MINK1: variants seen among roughly 807,000 people sequenced by gnomAD.
MINK1 encodes the protein misshapen-like kinase 1.
MINK1 carries 46 observed loss-of-function variants against 178.4 expected under a neutral mutation model. The ratio of observed to expected loss-of-function variants is 0.26; its 90% CI spans 0.20 to 0.33. The LOEUF is 0.33. MINK1 is among the 10% of genes least tolerant of loss of function. The probability of loss-of-function intolerance (pLI) is 1.00; values close to 1 mark genes in which losing one functional copy is unlikely to be tolerated. For missense variants in MINK1, 1,366 were observed against 1,814.9 expected (o/e 0.75, Z 4.49); for synonymous variants, 797 against 709.7 (o/e 1.12, Z -1.96).
intron 1 of MINK1, among the ~76,000 whole-genome samples, chr17:4,865,602 A>G (rs1914835255): frequency 1.3e-5 from 2 of 151,758 alleles, no homozygotes; most frequent in Admixed American, 1.3e-4. Context: ...ACATTAAAAT[A>G]GGCTAGGCAT....
intron 1 of MINK1, chr17:4,875,642 C>T: frequency 2.8e-6 from 1 of 354,776 alleles, no homozygotes; most frequent in South Asian, 2.1e-5. Context: ...CGTGGTGGCA[C>T]ACGCCTGTAG....
At chr17:4,857,313 A>G (rs868834586) in intron 1 of MINK1, 26 of 178,964 alleles carry the variant, frequency 1.5e-4, no homozygotes, top group African/African-American at 5.7e-4. Context: ...ACTGGAGACC[A>G]TGGTGGCCAT....
Position 4,891,394 on chromosome 17 carries a change from A to C in MINK1, c.1741-62A>C, listed in dbSNP as rs1968798114. On this transcript the variant is annotated intron_variant, in intron 15 of 31. Coordinates refer to ENST00000355280, the MANE Select transcript of MINK1 (RefSeq NM_153827.5). ...AAAGTCCTTTCCCACCCCAGACCCCAATTCGCAGGTGGGGATGTGCCATGG... is the reference window on the plus strand; with the variant it reads ...AAAGTCCTTTCCCACCCCAGACCCCCATTCGCAGGTGGGGATGTGCCATGG... The C allele has an allele frequency of 2.0e-6, 3 of 1,504,688 alleles. No homozygotes were observed. The African/African-American group carries it at 4.2e-5, about 21-fold the overall frequency. 93.2% of individuals were successfully genotyped at this position (1,504,688 alleles called of 1,614,324 possible). A position where few individuals can be genotyped will look rare whatever the true frequency, so the allele number is the denominator to read the frequency against.
At chr17:4,867,959 T>C (rs1025847913) in intron 1 of MINK1, among the ~76,000 whole-genome samples, 1 of 151,866 alleles carries the variant, frequency 6.6e-6, no homozygotes, top group Non-Finnish European at 1.5e-5. Flanking sequence ...GAACATTCCA[T>C]ATCTTCTAGC....
At chr17:4,873,914 C>T (rs535468370) in intron 1 of MINK1, among the ~76,000 whole-genome samples, 54 of 152,146 alleles carry the variant, frequency 3.5e-4, no homozygotes, top group African/African-American at 1.3e-3. Flanking sequence ...GCCATCACGC[C>T]CAACCCTAAG....
intron 1 of MINK1, among the ~76,000 whole-genome samples, chr17:4,867,412 G>A (rs1270511820): frequency 1.3e-5 from 2 of 151,998 alleles, no homozygotes; most frequent in East Asian, 3.9e-4. Context: ...CACTTTGAAA[G>A]GCTGAGGCAG....
rs375006681 is a variant in MINK1, at chr17:4,896,476, C to T, written c.3663C>T (p.Thr1221=). Reference sequence around the variant, plus strand: ...ATGCCATCATCTTCCTCCCCAACACCGACGGCATGGAGATGCTGCTGTGCT... The same window carrying T: ...ATGCCATCATCTTCCTCCCCAACACTGACGGCATGGAGATGCTGCTGTGCT... The part of the protein sequence containing the change: ...TPHAIIFLPN[T]DGMEMLLCYE... Residue 1221 remains threonine, a synonymous_variant, in exon 30 of 32, where the codon ACC becomes ACT. Coordinates refer to ENST00000355280, the MANE Select transcript of MINK1 (RefSeq NM_153827.5). The surrounding 1 kb of genome is among the most constrained non-coding windows in gnomAD (Gnocchi z 4.6). 7.3e-5 allele frequency: 118 copies of T among 1,613,820 alleles called. No individual in the cohort carries two copies. Among genetic ancestry groups the T allele is most frequent in the Admixed American group, 5.8e-4 (35 of 59,990 alleles).
In MINK1 at chr17:4,897,606, A is replaced by C; in HGVS notation, c.*319A>C. The C allele has an allele frequency of 3.9e-6, 1 of 254,846 alleles. No homozygotes were observed. The highest frequency in any genetic ancestry group is 7.5e-6 in the Non-Finnish European group (1 of 132,998). 15.8% of individuals were successfully genotyped at this position (254,846 alleles called of 1,614,324 possible). On this transcript the variant is annotated 3_prime_UTR_variant, in exon 32 of 32. Transcript: ENST00000355280. ...TGAGAGGAGAGTGCTTGGGGCTTGA[A>C]CCCCTTACCCCACTGCTGCTGACTG...
At chr17:4,861,563 C>T (rs529391487) in intron 1 of MINK1, 18 of 176,310 alleles carry the variant, frequency 1.0e-4, no homozygotes, top group South Asian at 8.7e-4. Context: ...TGCAGTGGCA[C>T]GATCTCAGTT....
intron 1 of MINK1, among the ~76,000 whole-genome samples, chr17:4,842,739 C>A (rs567714571): frequency 6.6e-6 from 1 of 152,270 alleles, no homozygotes; most frequent in East Asian, 1.9e-4. Context: ...GCCTAAGCAG[C>A]GTGAGGCAAA....
chr17:4,857,205 G>A, intron 1 of MINK1: 1 of 316,486 alleles, frequency 3.2e-6, no homozygotes, highest in Non-Finnish European at 6.4e-6. Flanking sequence ...CATGACCACT[G>A]GGATGATGGA....
At chr17:4,884,288 G>A in intron 4 of MINK1, 75 bp from the exon 5 acceptor site, 1 of 1,150,378 alleles carries the variant, frequency 8.7e-7, no homozygotes, top group East Asian at 2.4e-5. Flanking sequence ...CAGGAGTCTA[G>A]CAGGGGATTG....
intron 1 of MINK1, among the ~76,000 whole-genome samples, chr17:4,835,974 G>A (rs1909253214): frequency 6.6e-6 from 1 of 152,114 alleles, no homozygotes; most frequent in African/African-American, 2.4e-5. Context: ...TAAAATGCAA[G>A]GGCTTGAGGG....
intron 2 of MINK1, among the ~76,000 whole-genome samples, chr17:4,879,261 G>T (rs1279966265): frequency 6.6e-6 from 1 of 152,220 alleles, no homozygotes; most frequent in Non-Finnish European, 1.5e-5. Context: ...GATGGGGGGA[G>T]CTGCTCCAGC....
intron 1 of MINK1, among the ~76,000 whole-genome samples, chr17:4,835,776 A>T (rs934809655): frequency 1.3e-5 from 2 of 152,000 alleles, no homozygotes; most frequent in Non-Finnish European, 2.9e-5. Flanking sequence ...AATTCCACAA[A>T]TACCCTCTGA....
At chr17:4,871,157 C>T (rs1476069872) in intron 1 of MINK1, 2 of 238,814 alleles carry the variant, frequency 8.4e-6, no homozygotes, top group Non-Finnish European at 1.8e-5. Context: ...TAGTTTATTC[C>T]CTTTTTTTGT....
chr17:4,884,025 CCTCT>C (rs1486023177), intron 4 of MINK1, among the ~76,000 whole-genome samples: 3 of 149,760 alleles, frequency 2.0e-5, no homozygotes, highest in African/African-American at 7.4e-5. Context: ...TATTCCTTCT[CCTCT>C]TTTTTTTTTT....
intron 1 of MINK1, among the ~76,000 whole-genome samples, chr17:4,864,131 G>A (rs1440048705): frequency 6.6e-6 from 1 of 152,044 alleles, no homozygotes; most frequent in East Asian, 2.0e-4. Context: ...CAGGTGCAGT[G>A]GCTCATGCCT....
Position 4,887,576 on chromosome 17 carries a change from C to T in MINK1, c.1020-4C>T. ...CAGTGCTTCTTTGTGCCACCCCTGC[C>T]CAGCTCCATCATGAACGTGCCTGGA... On this transcript the variant is annotated splice_polypyrimidine_tract_variant and splice_region_variant and intron_variant, in intron 11 of 31. Transcript: ENST00000355280. The surrounding 1 kb of genome is among the most constrained non-coding windows in gnomAD (Gnocchi z 7.6). 1.3e-6 allele frequency: 2 copies of T among 1,513,698 alleles called. 1 individual carries two copies. The highest frequency in any genetic ancestry group is 2.6e-5 in the South Asian group (2 of 75,826). 93.8% of individuals were successfully genotyped at this position (1,513,698 alleles called of 1,614,324 possible).
Sources: gnomAD v4.1 joint callset for allele counts (sites outside exome capture counted in the v4.1 genomes callset) on GRCh38, gnomAD v4.1.1 for gene constraint, Gnocchi (gnomAD v3.1) non-coding constraint, MANE v1.5 for transcripts, NCBI Gene and HGNC (gene_info 2026-07-23, HGNC 2026-07-21) for gene names.